HECTD2: variants seen among roughly 807,000 people sequenced by gnomAD.
HECTD2 encodes HECT domain E3 ubiquitin protein ligase 2.
In HECTD2, 35 loss-of-function variants were observed where a neutral mutation model predicts 103.2. The observed-to-expected ratio is 0.34, with a 90% CI of 0.26 to 0.45. The LOEUF (loss-of-function observed/expected upper bound fraction) is 0.45. HECTD2 is among the 20% of genes least tolerant of loss of function. The pLI is 1.00. For missense variants in HECTD2, 596 were observed against 937.4 expected, an observed-to-expected ratio of 0.64 and a Z score of 4.76; for synonymous variants, 281 against 329.9, an observed-to-expected ratio of 0.85 and a Z score of 1.61.
intron 2 of HECTD2, among the ~76,000 whole-genome samples, chr10:91,459,438 T>C (rs1379766140): frequency 6.6e-6 from 1 of 152,066 alleles, no homozygotes; most frequent in Non-Finnish European, 1.5e-5. Context: ...CCTTCAGTGG[T>C]TGAATAGTTA....
intron 18 of HECTD2, among the ~76,000 whole-genome samples, chr10:91,499,899 T>C (rs1283763601): frequency 6.6e-6 from 1 of 152,186 alleles, no homozygotes; most frequent in Non-Finnish European, 1.5e-5. Flanking sequence ...ACCTTTGTAA[T>C]ATGTTTGTTG....
chr10:91,460,790 AGTCT>A (rs200799289), intron 3 of HECTD2, among the ~76,000 whole-genome samples: 1,864 of 152,288 alleles, frequency 0.012, 14 homozygotes, highest in Non-Finnish European at 0.019. Context: ...ACTAAGTAAG[AGTCT>A]GTGAGTCAAA....
At chr10:91,510,917 A>G (rs767692136) in intron 20 of HECTD2, among the ~76,000 whole-genome samples, 1 of 152,180 alleles carries the variant, frequency 6.6e-6, no homozygotes, top group Non-Finnish European at 1.5e-5. Flanking sequence ...TGAACAGGTT[A>G]CTTGTATATT....
At chr10:91,503,367 G>A (rs890345830) in intron 20 of HECTD2, among the ~76,000 whole-genome samples, 6 of 152,292 alleles carry the variant, frequency 3.9e-5, no homozygotes, top group African/African-American at 7.2e-5. Context: ...CTGAGGTACC[G>A]GGTTCATCTC....
At chr10:91,431,733 G>C (rs1843884821) in intron 2 of HECTD2, among the ~76,000 whole-genome samples, 1 of 151,982 alleles carries the variant, frequency 6.6e-6, no homozygotes, top group African/African-American at 2.4e-5. Flanking sequence ...AGCTCCATCA[G>C]CTCCTTTAGG....
rs560099165 is a variant in HECTD2, at chr10:91,495,925, G to C, written c.1522-289G>C. 1.1e-4 allele frequency among the ~76,000 whole-genome samples: 16 copies of C among 152,202 alleles called. No individual in the cohort carries two copies. In the South Asian group the frequency reaches 2.7e-3, roughly 26 times the overall value. ...AAATGTTTTCTGTAAAATAATTACA[G>C]GCAAGTCTTAAGTTGCTGCCTGTTG... On this transcript the variant is annotated intron_variant, in intron 14 of 20. Transcript: ENST00000298068.
At chr10:91,483,509 A>T (rs1175531941) in intron 8 of HECTD2, among the ~76,000 whole-genome samples, 1 of 151,968 alleles carries the variant, frequency 6.6e-6, no homozygotes, top group African/African-American at 2.4e-5. Flanking sequence ...AATATAGGCT[A>T]GCCATCAATA....
intron 11 of HECTD2, chr10:91,488,534 A>G (rs1258177580): frequency 1.3e-5 from 2 of 152,158 alleles, no homozygotes; most frequent in African/African-American, 4.8e-5. Context: ...ATTGCTCACA[A>G]TTTTAAAAGA....
chr10:91,419,408 G>C (rs192418556), intron 1 of HECTD2, among the ~76,000 whole-genome samples: 1 of 152,110 alleles, frequency 6.6e-6, no homozygotes, highest in East Asian at 1.9e-4. Flanking sequence ...TAGCAGAACA[G>C]GTACTCTAAG....
intron 1 of HECTD2, among the ~76,000 whole-genome samples, chr10:91,418,677 ACC>A (rs1481597455): frequency 4.1e-4 from 63 of 152,244 alleles, no homozygotes; most frequent in African/African-American, 1.4e-3. Flanking sequence ...GTGAAAAAAA[ACC>A]ATACAAAAAG....
intron 6 of HECTD2, among the ~76,000 whole-genome samples, chr10:91,480,279 GCT>G (rs1293839881): frequency 6.6e-6 from 1 of 152,086 alleles, no homozygotes; most frequent in African/African-American, 2.4e-5. Flanking sequence ...AGATTATAAA[GCT>G]CTAGGTAGGA....
intron 2 of HECTD2, among the ~76,000 whole-genome samples, chr10:91,428,428 C>T (rs1843673157): frequency 1.3e-5 from 2 of 151,704 alleles, no homozygotes; most frequent in Non-Finnish European, 2.9e-5. Context: ...TCATTGGTAG[C>T]TTGATGGTGA....
At chr10:91,454,955 A>C (rs201489116) in intron 2 of HECTD2, among the ~76,000 whole-genome samples, 5 of 152,036 alleles carry the variant, frequency 3.3e-5, no homozygotes, top group South Asian at 2.1e-4. Context: ...ACATTTTCTT[A>C]ATCCAGTCTA....
chr10:91,505,286 T>A (rs1589553176), intron 20 of HECTD2, among the ~76,000 whole-genome samples: 1 of 151,718 alleles, frequency 6.6e-6, no homozygotes, highest in South Asian at 2.1e-4. Context: ...TAACTTTAAA[T>A]GTAAATGGAC....
intron 2 of HECTD2, among the ~76,000 whole-genome samples, chr10:91,431,751 G>C (rs1417597961): frequency 1.3e-5 from 2 of 151,926 alleles, no homozygotes; most frequent in Non-Finnish European, 2.9e-5. Flanking sequence ...AGGCACTTCT[G>C]TGTATTGCTT....
At chr10:91,411,005 C>T (rs1018650751) in intron 1 of HECTD2, among the ~76,000 whole-genome samples, 1 of 152,178 alleles carries the variant, frequency 6.6e-6, no homozygotes, top group South Asian at 2.1e-4. Flanking sequence ...CTTCGCTTTT[C>T]TTTCCCTTCC....
intron 2 of HECTD2, among the ~76,000 whole-genome samples, chr10:91,436,079 G>C (rs186905963): frequency 6.6e-6 from 1 of 151,926 alleles, no homozygotes; most frequent in Admixed American, 6.6e-5. Flanking sequence ...CTCTGAGAAA[G>C]CTAGTAATAA....
chr10:91,411,241 A>T (rs1354387258), intron 1 of HECTD2, among the ~76,000 whole-genome samples: 1 of 152,124 alleles, frequency 6.6e-6, no homozygotes, highest in African/African-American at 2.4e-5. Context: ...GGTTATTTGG[A>T]GAGCGCTGTC....
chr10:91,461,011 G>T (rs535882799), intron 3 of HECTD2, among the ~76,000 whole-genome samples: 1 of 151,740 alleles, frequency 6.6e-6, no homozygotes, highest in South Asian at 2.1e-4. Flanking sequence ...GAAGGAAGGA[G>T]CGATAATTGA....
Sources: gnomAD v4.1 joint callset for allele counts (sites outside exome capture counted in the v4.1 genomes callset) on GRCh38, gnomAD v4.1.1 for gene constraint, MANE v1.5 for transcripts, NCBI Gene and HGNC (gene_info 2026-07-23, HGNC 2026-07-21) for gene names.